RASGRP1: variants seen among roughly 807,000 people sequenced by gnomAD.
RASGRP1 encodes the protein RAS guanyl-releasing protein 1.
RASGRP1 carries 37 observed loss-of-function variants against 95.1 expected under a neutral mutation model. The observed-to-expected ratio is 0.39, with a 90% confidence interval of 0.30 to 0.51. The LOEUF is 0.51. RASGRP1 is among the 20% of genes least tolerant of loss of function. The pLI, the probability that RASGRP1 is intolerant of heterozygous loss-of-function variation, is 0.80. For missense variants in RASGRP1, 711 were observed against 965.4 expected, an observed-to-expected ratio of 0.74 and a Z score of 3.49; for synonymous variants, 325 against 353.4, an observed-to-expected ratio of 0.92 and a Z score of 0.90.
At chr15:38,542,822 T>C (rs1182044351) in intron 2 of RASGRP1, among the ~76,000 whole-genome samples, 1 of 145,948 alleles carries the variant, frequency 6.9e-6, no homozygotes, top group Admixed American at 6.9e-5. Flanking sequence ...GTCAGATATA[T>C]ACATATATAT....
At chr15:38,554,508 G>C (rs528451333) in intron 2 of RASGRP1, among the ~76,000 whole-genome samples, 92 of 152,182 alleles carry the variant, frequency 6.0e-4, no homozygotes, top group African/African-American at 2.1e-3. Flanking sequence ...CTCTACAGCG[G>C]GGCCTGCAAC....
At chr15:38,559,336 C>T (rs926620048) in intron 2 of RASGRP1, among the ~76,000 whole-genome samples, 3 of 152,174 alleles carry the variant, frequency 2.0e-5, no homozygotes, top group Admixed American at 1.3e-4. Flanking sequence ...AGTGTCTTCT[C>T]GTCACAAACC....
intron 2 of RASGRP1, among the ~76,000 whole-genome samples, chr15:38,528,368 A>G (rs1191267272): frequency 4.6e-5 from 7 of 150,872 alleles, no homozygotes; most frequent in African/African-American, 1.7e-4. Flanking sequence ...CAATCATTCC[A>G]TTTGACTTCT....
chr15:38,496,736 A>G (rs1465230984), intron 15 of RASGRP1, among the ~76,000 whole-genome samples: 2 of 152,202 alleles, frequency 1.3e-5, no homozygotes, highest in Non-Finnish European at 2.9e-5. Context: ...TTAGATAGAT[A>G]GTAAGGGGAA....
At chr15:38,498,763 T>G (rs1190623199) in intron 15 of RASGRP1, 31 bp downstream of exon 15, 5 of 1,602,246 alleles carry the variant, frequency 3.1e-6, no homozygotes, top group Non-Finnish European at 4.3e-6. Context: ...TACTTCACTT[T>G]CCAAGATGAA....
rs1890458776 is a variant in RASGRP1 at position 38,488,882 on chromosome 15, G to C, written c.*1672C>G. The stretch of plus-strand genomic sequence containing the variant: ...TAGTGGGCTTAAGCAGGCCTGCTTT[G>C]GGTATTTCTGAGTTTAAATTTGGAA... On this transcript the variant is annotated 3_prime_UTR_variant, in exon 17 of 17. Transcript: ENST00000310803. The C allele has an allele frequency of 6.6e-6, 1 of 151,918 alleles. No homozygotes were observed. The highest frequency in any genetic ancestry group is 1.9e-4 in the East Asian group (1 of 5,196). The allele number at this position is 151,918 out of a possible 1,614,324, so 9.4% of individuals were successfully genotyped here. A position where few individuals can be genotyped will look rare whatever the true frequency, so the allele number is the denominator to read the frequency against.
At chr15:38,520,097 T>A (rs1051147425) in intron 3 of RASGRP1, among the ~76,000 whole-genome samples, 1 of 152,134 alleles carries the variant, frequency 6.6e-6, no homozygotes, top group African/African-American at 2.4e-5. Context: ...TGGAAAAAAA[T>A]ATTCATCTAT....
chr15:38,545,096 C>T (rs919552439), intron 2 of RASGRP1, among the ~76,000 whole-genome samples: 1 of 152,202 alleles, frequency 6.6e-6, no homozygotes, highest in South Asian at 2.1e-4. Context: ...ATAACTCATA[C>T]TAGCTCTTCT....
At chr15:38,500,336 C>T (rs933853851) in intron 13 of RASGRP1, among the ~76,000 whole-genome samples, 197 bp from the exon 14 acceptor site, 7 of 148,654 alleles carry the variant, frequency 4.7e-5, no homozygotes, top group African/African-American at 1.6e-4. Context: ...TCTCAAGAAG[C>T]AGGTTTTTTT....
intron 2 of RASGRP1, among the ~76,000 whole-genome samples, chr15:38,546,724 T>C (rs1293518718): frequency 6.6e-6 from 1 of 152,168 alleles, no homozygotes; most frequent in Non-Finnish European, 1.5e-5. Context: ...GGAAAGGCTA[T>C]TTCTGTTGAG....
chr15:38,547,477 C>G (rs1245083401), intron 2 of RASGRP1, among the ~76,000 whole-genome samples: 1 of 152,192 alleles, frequency 6.6e-6, no homozygotes, highest in Non-Finnish European at 1.5e-5. Context: ...CACTCTGACT[C>G]CCAGAGTTGT....
At chr15:38,564,553 G>C in intron 1 of RASGRP1, 41 bp downstream of exon 1, 1 of 1,351,138 alleles carries the variant, frequency 7.4e-7, no homozygotes. Context: ...TCCCAAGAAA[G>C]GACACAGGCG....
intron 13 of RASGRP1, among the ~76,000 whole-genome samples, chr15:38,500,351 TTG>T (rs1890965058): frequency 6.6e-6 from 1 of 151,838 alleles, no homozygotes; most frequent in African/African-American, 2.4e-5. Flanking sequence ...TTTTTTTGTT[TTG>T]TTTTTTTTGA....
chr15:38,497,552 C>G (rs1051030529), intron 15 of RASGRP1, among the ~76,000 whole-genome samples: 1 of 152,172 alleles, frequency 6.6e-6, no homozygotes, highest in Non-Finnish European at 1.5e-5. Flanking sequence ...TCCATAAAGT[C>G]CCAACAGCCC....
Position 38,526,300 on chromosome 15 carries a change from G to A in RASGRP1, c.325C>T (p.Leu109Phe). ...GCCAGTCACTATGTTAAAGGATATA[G>A]GGTGATAACTTTTTGGAGCAGTTCT... The part of the protein sequence containing the change: ...SAELLQKVIT[L>F]YKDALAKNSP... The change falls in exon 3 of 17, where the codon CTC becomes TTC. Residue 109 changes from leucine (L) to phenylalanine (F), a missense_variant and splice_region_variant. Physicochemically the swap from Leu to Phe is conservative, Grantham distance 22. Coordinates refer to ENST00000310803, the MANE Select transcript of RASGRP1 (RefSeq NM_005739.4). 6.2e-7 allele frequency: 1 copy of A among 1,610,122 alleles called. No homozygotes were observed. The highest frequency in any genetic ancestry group is 8.5e-7 in the Non-Finnish European group (1 of 1,176,576).
intron 2 of RASGRP1, among the ~76,000 whole-genome samples, chr15:38,548,419 C>T (rs908748497): frequency 4.6e-5 from 7 of 152,038 alleles, no homozygotes; most frequent in African/African-American, 1.7e-4. Flanking sequence ...CGCATACACA[C>T]ACAAATTAGC....
intron 2 of RASGRP1, among the ~76,000 whole-genome samples, chr15:38,559,229 T>C (rs1893706248): frequency 6.6e-6 from 1 of 152,196 alleles, no homozygotes; most frequent in Non-Finnish European, 1.5e-5. Context: ...GCCTCCCTCA[T>C]GGTGGGCAAA....
At chr15:38,498,553 T>C (rs1386515370) in intron 15 of RASGRP1, among the ~76,000 whole-genome samples, 1 of 151,488 alleles carries the variant, frequency 6.6e-6, no homozygotes, top group Admixed American at 6.6e-5. Flanking sequence ...GTGCTTGGTG[T>C]AGGTGCTCAA....
At chr15:38,531,821 G>A (rs2141149629) in intron 2 of RASGRP1, among the ~76,000 whole-genome samples, 1 of 152,280 alleles carries the variant, frequency 6.6e-6, no homozygotes, top group African/African-American at 2.4e-5. Context: ...TTCAACGAGA[G>A]AATGGTTCAG....
Sources: allele counts gnomAD v4.1 joint callset (sites outside exome capture counted in the v4.1 genomes callset), GRCh38; gene constraint gnomAD v4.1.1; transcripts MANE v1.5; gene names NCBI Gene and HGNC (gene_info 2026-07-23, HGNC 2026-07-21).